Variants in NME7 observed in about 807,000 individuals in gnomAD.
The protein encoded by NME7 is NME/NM23 family member 7.
A neutral mutation model predicts 49.1 loss-of-function variants in NME7; 41 were observed. The observed-to-expected ratio is 0.83, with a 90% CI of 0.65 to 1.08. The LOEUF (loss-of-function observed/expected upper bound fraction) is 1.08, where lower values mean the gene tolerates loss of function less well. NME7 is among the 50% of genes least tolerant of loss of function. The pLI is 0.00. For synonymous variants in NME7, 139 were observed against 150.6 expected (o/e 0.92, Z 0.56); for missense variants, 423 against 463.4 (o/e 0.91, Z 0.80).
chr1:169,252,316 G>C (rs1380109586), intron 7 of NME7, among the ~76,000 whole-genome samples: 2 of 152,074 alleles, frequency 1.3e-5, no homozygotes, highest in Non-Finnish European at 2.9e-5. Context: ...GGCCAGTGAT[G>C]ATGAGCATTT....
intron 10 of NME7, among the ~76,000 whole-genome samples, chr1:169,192,915 T>C (rs1660274342): frequency 6.6e-6 from 1 of 152,186 alleles, no homozygotes; most frequent in Non-Finnish European, 1.5e-5. Context: ...AAAGGAATTC[T>C]TTTGGAAAAT....
chr1:169,190,653 T>A (rs1571277895), intron 10 of NME7: 1 of 444,196 alleles, frequency 2.3e-6, no homozygotes, highest in Admixed American at 2.4e-5. Flanking sequence ...GGAACAGAGA[T>A]GTCTTCTTTA....
intron 1 of NME7, among the ~76,000 whole-genome samples, chr1:169,344,555 C>A (rs1652892786): frequency 6.6e-6 from 1 of 152,168 alleles, no homozygotes. Flanking sequence ...ACTTCTACTT[C>A]TAATTTGTTG....
chr1:169,210,772 G>A (rs1482861203), intron 10 of NME7, among the ~76,000 whole-genome samples: 2 of 152,118 alleles, frequency 1.3e-5, no homozygotes, highest in African/African-American at 2.4e-5. Context: ...TGTAATCAGA[G>A]GCAATATAAT....
chr1:169,299,260 T>C (rs1650833790), intron 5 of NME7, among the ~76,000 whole-genome samples: 1 of 137,722 alleles, frequency 7.3e-6, no homozygotes, highest in Non-Finnish European at 1.6e-5. Context: ...AACACTGAGC[T>C]GGTTTGGTGA....
At chr1:169,257,489 A>T (rs10919114) in intron 7 of NME7, among the ~76,000 whole-genome samples, 1 of 129,248 alleles carries the variant, frequency 7.7e-6, no homozygotes, top group African/African-American at 2.6e-5. Context: ...AGATGAACCC[A>T]GTACCTCAGA....
chr1:169,223,354 G>A lies in NME7; in HGVS notation c.990+7364C>T, dbSNP rs969641160. ...AACATTATTAACTATAATGTTAAGG[G>A]TTTTTTTTTAATTAATAAATATTTT... is the stretch of plus-strand genomic sequence containing the variant. On this transcript the variant is annotated intron_variant, in intron 10 of 11. Transcript: ENST00000367811. Among the ~76,000 whole-genome samples, 13 of 150,142 alleles carry A rather than the reference G, an allele frequency of 8.7e-5. 1 individual carries two copies. The highest frequency in any genetic ancestry group is 7.9e-4 in the Admixed American group (12 of 15,096).
chr1:169,280,986 T>G (rs1282354479), intron 7 of NME7, among the ~76,000 whole-genome samples: 1 of 152,134 alleles, frequency 6.6e-6, no homozygotes, highest in African/African-American at 2.4e-5. Context: ...TTTCCAATTC[T>G]GTGAAGAAAG....
At chr1:169,223,346 T>A (rs918153339) in intron 10 of NME7, among the ~76,000 whole-genome samples, 1 of 152,160 alleles carries the variant, frequency 6.6e-6, no homozygotes, top group Non-Finnish European at 1.5e-5. Flanking sequence ...TTAACTATAA[T>A]GTTAAGGGTT....
chr1:169,210,323 T>C (rs1335082659), intron 10 of NME7, among the ~76,000 whole-genome samples: 1 of 152,184 alleles, frequency 6.6e-6, no homozygotes, highest in Non-Finnish European at 1.5e-5. Flanking sequence ...ATTGTTGATA[T>C]TATTCCAATT....
At position 169,235,230 on chromosome 1, in the gene NME7, A is replaced by G. The variant is rs775653709; in HGVS notation, c.820-31T>C. 1.1e-5 allele frequency: 14 copies of G among 1,233,454 alleles called. No individual in the cohort carries two copies. In the South Asian group the frequency reaches 1.8e-4, roughly 16 times the overall value. The allele number at this position is 1,233,454 out of a possible 1,614,324, so 76.4% of individuals were successfully genotyped here. ...TTAAAAAATAAAACAAAACAAAACC[A>G]TAAACCAACCAACAAAAGGGAAATA... is the stretch of plus-strand genomic sequence containing the variant. On this transcript the variant is annotated intron_variant, in intron 8 of 11. Transcript: ENST00000367811.
At chr1:169,266,732 T>C (rs1214164179) in intron 7 of NME7, among the ~76,000 whole-genome samples, 1 of 133,416 alleles carries the variant, frequency 7.5e-6, no homozygotes, top group African/African-American at 2.5e-5. Context: ...CTTCTTGAGA[T>C]GACAAGCAAC....
In NME7 at chr1:169,200,015, A is replaced by T. The variant is rs150571083; in HGVS notation, c.991-30461T>A. On this transcript the variant is annotated intron_variant, in intron 10 of 11. Coordinates refer to ENST00000367811, the MANE Select transcript of NME7 (RefSeq NM_013330.5). Reference sequence around the variant, plus strand: ...CTATTCATTAGTTATTTTTCATCTCAGTCAACAAATATATACTGAAAGTCA... The same window carrying T: ...CTATTCATTAGTTATTTTTCATCTCTGTCAACAAATATATACTGAAAGTCA... Among the ~76,000 whole-genome samples the T allele has an allele frequency of 3.8e-3, 572 of 152,102 alleles. 4 individuals carry two copies. The highest frequency in any genetic ancestry group is 0.013 in the African/African-American group (547 of 41,500).
intron 9 of NME7, among the ~76,000 whole-genome samples, chr1:169,231,621 A>C (rs1647622661): frequency 1.3e-5 from 2 of 152,208 alleles, no homozygotes; most frequent in Non-Finnish European, 2.9e-5. Flanking sequence ...GGCTGGGGAA[A>C]GAATTGCCAG....
chr1:169,358,791 C>G (rs746256520), intron 1 of NME7, among the ~76,000 whole-genome samples: 2 of 152,032 alleles, frequency 1.3e-5, no homozygotes, highest in Non-Finnish European at 2.9e-5. Context: ...TTAGAAGAAA[C>G]AGGCACCATG....
intron 7 of NME7, among the ~76,000 whole-genome samples, chr1:169,239,288 T>C (rs1391808336): frequency 1.3e-5 from 2 of 151,968 alleles, no homozygotes; most frequent in Non-Finnish European, 2.9e-5. Flanking sequence ...CTCTCTTATT[T>C]TGAGCTTCAA....
chr1:169,135,001 C>G (rs915290100), intron 11 of NME7, among the ~76,000 whole-genome samples: 25 of 116,282 alleles, frequency 2.1e-4, no homozygotes, highest in African/African-American at 7.5e-4. Context: ...ATAAGGAGAT[C>G]CCCCCGTCTC....
chr1:169,329,103 T>C (rs1652168208), intron 1 of NME7, among the ~76,000 whole-genome samples: 1 of 152,062 alleles, frequency 6.6e-6, no homozygotes, highest in Non-Finnish European at 1.5e-5. Context: ...AGACAGAGTA[T>C]TCAAAATAGC....
chr1:169,329,517 C>G (rs74965699), intron 1 of NME7, among the ~76,000 whole-genome samples: 1 of 149,690 alleles, frequency 6.7e-6, no homozygotes, highest in African/African-American at 2.5e-5. Context: ...TAAAAAGAAT[C>G]AAGCAGAAAT....
Sources: allele counts gnomAD v4.1 joint callset (sites outside exome capture counted in the v4.1 genomes callset), GRCh38; gene constraint gnomAD v4.1.1; transcripts MANE v1.5; gene names NCBI Gene and HGNC (gene_info 2026-07-23, HGNC 2026-07-21).